Variants in OC90 observed in about 807,000 individuals in gnomAD.
OC90 encodes the protein otoconin-90.
Under a neutral mutation model 47.3 loss-of-function variants are expected in OC90, and 46 were observed. The ratio of observed to expected loss-of-function variants is 0.97; its 90% CI spans 0.77 to 1.24. The LOEUF (loss-of-function observed/expected upper bound fraction) is 1.24, where lower values mean the gene tolerates loss of function less well. Ranked by LOEUF, OC90 falls within the 50% of genes most tolerant of loss-of-function variation. OC90 has a pLI of 0.00. For synonymous variants in OC90, 271 were observed against 219.5 expected (o/e 1.23, Z -2.07); for missense variants, 688 against 583.9 (o/e 1.18, Z -1.84).
intron 9 of OC90, chr8:132,036,548 G>C (rs1822967301): frequency 5.9e-6 from 4 of 680,124 alleles, no homozygotes; most frequent in Non-Finnish European, 8.1e-6. Flanking sequence ...GCATATGGCT[G>C]CACAATGGTG....
rs768486160 is a variant in OC90, at chr8:132,034,837, G to C, written c.680-3C>G. 1.2e-6 allele frequency: 2 copies of C among 1,611,636 alleles called. No individual in the cohort carries two copies. Among genetic ancestry groups the C allele is most frequent in the African/African-American group, 2.7e-5 (2 of 74,990 alleles). ...TCCTTCCTGATCGTGGCCTGCTTCT[G>C]TTCCCCAAAGAAGAGAGACAGCATG... On this transcript the variant is annotated splice_polypyrimidine_tract_variant and splice_region_variant and intron_variant, in intron 9 of 13. Coordinates refer to ENST00000254627, the MANE Select transcript of OC90 (RefSeq NM_001080399.3).
At chr8:132,057,799 A>T (rs1469662575) in intron 1 of OC90, among the ~76,000 whole-genome samples, 2 of 152,194 alleles carry the variant, frequency 1.3e-5, no homozygotes, top group East Asian at 1.9e-4. Context: ...ACCCTCCAAG[A>T]CTTTGGCTAT....
intron 13 of OC90, among the ~76,000 whole-genome samples, chr8:132,027,911 G>C (rs1253630930): frequency 6.6e-6 from 1 of 152,206 alleles, no homozygotes; most frequent in Non-Finnish European, 1.5e-5. Context: ...ATCAGCTTTA[G>C]TTCTGAAATG....
At chr8:132,025,903 C>G (rs1430704779) in intron 13 of OC90, among the ~76,000 whole-genome samples, 3 of 152,202 alleles carry the variant, frequency 2.0e-5, no homozygotes, top group African/African-American at 7.2e-5. Flanking sequence ...AAAAATATTT[C>G]CCAAGTTAGT....
chr8:132,031,929 C>CTTGAGTCTTG lies in OC90; in HGVS notation c.982_983insCAAGACTCAA (p.Cys328SerfsTer17), dbSNP rs1234048614. 4 of 1,614,032 alleles carry CTTGAGTCTTG rather than the reference C, an allele frequency of 2.5e-6. No individual in the cohort carries two copies. Among genetic ancestry groups the CTTGAGTCTTG allele is most frequent in the Admixed American group, 1.7e-5 (1 of 60,032 alleles). ...GCCTCTTCCTTCTTGTCCACAGTAA[C>CTTGAGTCTTG]AGCCATAAGACTCAAATTCCTCCGG... is the stretch of plus-strand genomic sequence containing the variant. On this transcript the variant is annotated frameshift_variant, in exon 12 of 14. Transcript: ENST00000254627. LOFTEE classifies it high-confidence loss of function.
rs140387736 is a variant in OC90, at chr8:132,032,878, T to G, written c.859+161A>C. Reference sequence around the variant, plus strand: ...GCTGAGTGGCTACAGGCAGCTTACATCTCCTCTGAGCCTCAAGGTGCTCAT... The same window carrying G: ...GCTGAGTGGCTACAGGCAGCTTACAGCTCCTCTGAGCCTCAAGGTGCTCAT... On this transcript the variant is annotated intron_variant, in intron 11 of 13. Coordinates refer to ENST00000254627, the MANE Select transcript of OC90 (RefSeq NM_001080399.3). 5.1e-3 allele frequency among the ~76,000 whole-genome samples: 771 copies of G among 152,186 alleles called. 11 individuals carry two copies. Among genetic ancestry groups the G allele is most frequent in the African/African-American group, 0.018 (738 of 41,518 alleles).
chr8:132,027,346 G>A (rs1822775338), intron 13 of OC90, among the ~76,000 whole-genome samples: 1 of 152,204 alleles, frequency 6.6e-6, no homozygotes, highest in Non-Finnish European at 1.5e-5. Flanking sequence ...ATGAATGAGA[G>A]AGTGATATGT....
At chr8:132,054,924 T>A (rs748655023) in intron 2 of OC90, 57 bp downstream of exon 2, 66 of 1,295,918 alleles carry the variant, frequency 5.1e-5, no homozygotes, top group Non-Finnish European at 6.6e-5. Flanking sequence ...GGGACAGTAT[T>A]CAAATGAAGT....
rs1378296340 is a variant in OC90, at chr8:132,037,451, G to A, written c.666C>T (p.Ala222=). 1 of 1,583,366 alleles carries A rather than the reference G, an allele frequency of 6.3e-7. No homozygotes were observed. Among genetic ancestry groups the A allele is most frequent in the Admixed American group, 1.8e-5 (1 of 55,848 alleles). The change falls in exon 9 of 14, where the codon GCC becomes GCT. Residue 222 remains alanine, a synonymous_variant. Transcript: ENST00000254627. ...CTTCTGGCTCACCTTCTCCTGAAAG[G>A]GCTGTCAGGCTGGTGTCTGTGGGCT... is the stretch of plus-strand genomic sequence containing the variant. ...PVEPTDTSLT[A]LSGEEAGHDQ...
intron 4 of OC90, among the ~76,000 whole-genome samples, chr8:132,042,018 GC>G (rs1424310684): frequency 2.0e-5 from 3 of 152,096 alleles, no homozygotes; most frequent in African/African-American, 7.2e-5. Context: ...TTGGTCTATG[GC>G]TGTGCATGTG....
chr8:132,047,578 T>A (rs943041462), intron 2 of OC90, among the ~76,000 whole-genome samples: 2 of 152,124 alleles, frequency 1.3e-5, no homozygotes, highest in African/African-American at 2.4e-5. Context: ...CCAAAATATA[T>A]AAAGCTAAAT....
At chr8:132,052,698 G>A (rs1033169291) in intron 2 of OC90, among the ~76,000 whole-genome samples, 2 of 152,168 alleles carry the variant, frequency 1.3e-5, no homozygotes, top group African/African-American at 4.8e-5. Flanking sequence ...GGAATGTAAG[G>A]ACAAAACTCA....
intron 8 of OC90, among the ~76,000 whole-genome samples, chr8:132,038,030 T>A (rs1383003179): frequency 2.0e-5 from 3 of 152,152 alleles, no homozygotes; most frequent in Non-Finnish European, 4.4e-5. Flanking sequence ...GCATGACTAG[T>A]TCTGGGAGAG....
intron 12 of OC90, among the ~76,000 whole-genome samples, chr8:132,030,450 A>G (rs969242037): frequency 2.6e-5 from 4 of 152,184 alleles, no homozygotes; most frequent in Non-Finnish European, 4.4e-5. Context: ...TTTGTGAAAT[A>G]TGGTCAGTTA....
chr8:132,024,475 G>A lies in OC90; in HGVS notation c.*6C>T. The A allele has an allele frequency of 6.5e-6, 10 of 1,530,494 alleles. No individual in the cohort carries two copies. The highest frequency in any genetic ancestry group is 7.9e-6 in the Non-Finnish European group (9 of 1,138,450). The allele number at this position is 1,530,494 out of a possible 1,614,324, so 94.8% of individuals were successfully genotyped here. A position where few individuals can be genotyped will look rare whatever the true frequency, so the allele number is the denominator to read the frequency against. ...ACTGAAGGTGTTAGCCATTTTCTCT[G>A]GGCATCTATCTTCCATGAAGAGGCC... On this transcript the variant is annotated 3_prime_UTR_variant, in exon 14 of 14. Coordinates refer to ENST00000254627, the MANE Select transcript of OC90 (RefSeq NM_001080399.3).
In OC90 at chr8:132,038,873, G is replaced by A. The variant is rs1426302054; in HGVS notation, c.587-42C>T. The stretch of plus-strand genomic sequence containing the variant: ...TTGGAAAGTCTGTTGAGAGCAGTGG[G>A]TTTGAGGGAGGGTTTGAAGATGCTG... On this transcript the variant is annotated intron_variant, in intron 7 of 13. Coordinates refer to ENST00000254627, the MANE Select transcript of OC90 (RefSeq NM_001080399.3). The A allele has an allele frequency of 9.3e-6, 15 of 1,609,578 alleles. No individual in the cohort carries two copies. The South Asian group carries it at 1.1e-4, about 12-fold the overall frequency.
intron 12 of OC90, among the ~76,000 whole-genome samples, chr8:132,031,621 C>T (rs1304692543): frequency 6.6e-6 from 1 of 152,134 alleles, no homozygotes; most frequent in Non-Finnish European, 1.5e-5. Flanking sequence ...CTCTAGGCCC[C>T]CAGATCAAAA....
intron 13 of OC90, among the ~76,000 whole-genome samples, chr8:132,028,703 AGAC>A (rs1364268650): frequency 4.7e-5 from 6 of 127,784 alleles, no homozygotes; most frequent in Admixed American, 8.2e-5. Flanking sequence ...AAAGAAAGAG[AGAC>A]AGAAAGAAAG....
At chr8:132,030,299 T>C (rs1224623015) in intron 12 of OC90, among the ~76,000 whole-genome samples, 2 of 152,328 alleles carry the variant, frequency 1.3e-5, no homozygotes, top group Non-Finnish European at 2.9e-5. Flanking sequence ...AATAAATTCT[T>C]ATAAAAAAAT....
Sources: gnomAD v4.1 joint callset for allele counts (sites outside exome capture counted in the v4.1 genomes callset) on GRCh38, gnomAD v4.1.1 for gene constraint, MANE v1.5 for transcripts, NCBI Gene and HGNC (gene_info 2026-07-23, HGNC 2026-07-21) for gene names.